RAD54L2: variants seen among roughly 807,000 people sequenced by gnomAD.
RAD54L2 encodes helicase ARIP4.
In RAD54L2, 27 loss-of-function variants were observed where a neutral mutation model predicts 138.4. The ratio of observed to expected loss-of-function variants is 0.20; its 90% CI spans 0.14 to 0.27. The LOEUF (loss-of-function observed/expected upper bound fraction) is 0.27, where lower values mean the gene tolerates loss of function less well. Ranked by LOEUF, RAD54L2 falls within the 10% of genes least tolerant of loss-of-function variation. The pLI is 1.00. For synonymous variants in RAD54L2, 644 were observed against 723.2 expected, an observed-to-expected ratio of 0.89 and a Z score of 1.76; for missense variants, 1,396 against 1,890.2, an observed-to-expected ratio of 0.74 and a Z score of 4.85.
chr3:51,663,239 A>G lies in RAD54L2; in HGVS notation c.4223A>G (p.Asn1408Ser), dbSNP rs754954786. Residue 1408 changes from asparagine (N) to serine (S), a missense_variant, in exon 23 of 23, where the codon AAC becomes AGC. Around this residue, in one of 7 missense-constraint regions of RAD54L2, gnomAD observed 634 missense variants for 711.2 expected, o/e 0.89. Coordinates refer to ENST00000684192, the MANE Select transcript of RAD54L2 (RefSeq NM_015106.4). ...APFPSPVLPS[N>S]LSRGMSIYPG... ...TTTCCTTCCCCTGTCTTGCCCAGCA[A>G]CCTTTCGCGGGGCATGTCTATCTAT... 1.8e-5 allele frequency: 29 copies of G among 1,613,244 alleles called. No individual in the cohort carries two copies. The highest frequency in any genetic ancestry group is 5.5e-5 in the South Asian group (5 of 91,060).
chr3:51,634,553 A>G (rs1700935384), intron 9 of RAD54L2, among the ~76,000 whole-genome samples: 1 of 152,046 alleles, frequency 6.6e-6, no homozygotes, highest in Non-Finnish European at 1.5e-5. Flanking sequence ...TATTTTTAGT[A>G]GAGACAGGGT....
chr3:51,624,025 CATATTT>C (rs1700624453), intron 3 of RAD54L2, among the ~76,000 whole-genome samples: 1 of 148,740 alleles, frequency 6.7e-6, no homozygotes, highest in South Asian at 2.1e-4. Flanking sequence ...CAAAAATTCT[CATATTT>C]AGAATTAGGG....
At chr3:51,624,276 G>A (rs1363644023) in intron 3 of RAD54L2, among the ~76,000 whole-genome samples, 2 of 144,852 alleles carry the variant, frequency 1.4e-5, no homozygotes, top group Admixed American at 7.0e-5. Context: ...TCTGTTGCCC[G>A]GGCTGGAGTA....
intron 3 of RAD54L2, among the ~76,000 whole-genome samples, chr3:51,603,478 G>T (rs1170207770): frequency 6.6e-6 from 1 of 152,012 alleles, no homozygotes; most frequent in African/African-American, 2.4e-5. Flanking sequence ...ATGGTGGTAG[G>T]TACCTGTAAT....
At chr3:51,556,329 G>T (rs1402127438) in intron 2 of RAD54L2, among the ~76,000 whole-genome samples, 2 of 152,074 alleles carry the variant, frequency 1.3e-5, no homozygotes, top group Admixed American at 1.3e-4. Flanking sequence ...AGGCTGTAGT[G>T]CAGTGGTGCA....
rs1378919710 is a variant in RAD54L2, at chr3:51,663,556, C to G, written c.*136C>G. The G allele has an allele frequency of 4.3e-6, 2 of 465,440 alleles. No homozygotes were observed. Among genetic ancestry groups the G allele is most frequent in the Admixed American group, 6.0e-5 (1 of 16,670 alleles). 28.8% of individuals were successfully genotyped at this position (465,440 alleles called of 1,614,324 possible). On this transcript the variant is annotated 3_prime_UTR_variant, in exon 23 of 23. Transcript: ENST00000684192. ...AAGAGGACAAAGGAGGGTGGTTGGC[C>G]AAAGTGGCAGAGCTCTGTTGCTGTT...
chr3:51,605,089 ATTT>A (rs35877053), intron 3 of RAD54L2, among the ~76,000 whole-genome samples: 1 of 123,128 alleles, frequency 8.1e-6, no homozygotes. Flanking sequence ...TACCTGGCTA[ATTT>A]TTTTTTTTTT....
chr3:51,571,666 C>A (rs1490383798), intron 2 of RAD54L2, among the ~76,000 whole-genome samples: 2 of 152,068 alleles, frequency 1.3e-5, no homozygotes, highest in African/African-American at 4.8e-5. Context: ...CCATGCCTGT[C>A]CTCAAATAGC....
rs762831713 is a variant in RAD54L2, at chr3:51,639,899, A to G, written c.2131A>G (p.Asn711Asp). ...CTTGCAGGCCAAGGACCTTCTGACT[A>G]ATTACCAGACTGGAGTCCTAGAAAA... ...TYEWAKDLLT[N>D]YQTGVLENSP... Residue 711 changes from asparagine to aspartate, a missense_variant, in exon 14 of 23, where the codon AAT becomes GAT. Physicochemically the swap from Asn to Asp is conservative, Grantham distance 23 (BLOSUM62 1). This residue lies in a region of RAD54L2 where 211 missense variants were observed against 273.8 expected (regional missense o/e 0.77). Coordinates refer to ENST00000684192, the MANE Select transcript of RAD54L2 (RefSeq NM_015106.4). 1.1e-5 allele frequency: 17 copies of G among 1,608,374 alleles called. No homozygotes were observed. The South Asian group carries it at 1.9e-4, about 18-fold the overall frequency.
intron 3 of RAD54L2, among the ~76,000 whole-genome samples, chr3:51,613,040 T>C (rs2106762982): frequency 6.6e-6 from 1 of 152,124 alleles, no homozygotes; most frequent in East Asian, 1.9e-4. Context: ...CCCGGGTTCA[T>C]GCCATTCTCC....
Position 51,663,040 on chromosome 3 carries a change from G to A in RAD54L2, c.4024G>A (p.Val1342Met). ...LLADARLVFPVTTDPLVPAGP... is the reference protein window; with the variant it reads ...LLADARLVFPMTTDPLVPAGP... ...GGCAGATGCCCGCCTGGTGTTTCCA[G>A]TGACTACTGACCCTCTGGTGCCAGC... The change falls in exon 23 of 23, where the codon GTG becomes ATG. Residue 1342 changes from valine to methionine, a missense_variant. Coordinates refer to ENST00000684192, the MANE Select transcript of RAD54L2 (RefSeq NM_015106.4). 6.2e-7 allele frequency: 1 copy of A among 1,613,936 alleles called. No homozygotes were observed. The highest frequency in any genetic ancestry group is 1.1e-5 in the South Asian group (1 of 91,074).
chr3:51,636,863 G>A (rs1367493691), intron 10 of RAD54L2, among the ~76,000 whole-genome samples: 2 of 152,088 alleles, frequency 1.3e-5, no homozygotes, highest in Non-Finnish European at 1.5e-5. Flanking sequence ...AACCCGGGAG[G>A]CAGAGGTTGC....
intron 2 of RAD54L2, among the ~76,000 whole-genome samples, chr3:51,555,239 C>A (rs1291994127): frequency 6.6e-6 from 1 of 152,142 alleles, no homozygotes; most frequent in Non-Finnish European, 1.5e-5. Flanking sequence ...TCCCCTCCCC[C>A]ACTGTAGTTG....
At chr3:51,659,791 T>A (rs1426023754) in intron 21 of RAD54L2, among the ~76,000 whole-genome samples, 3 of 152,244 alleles carry the variant, frequency 2.0e-5, no homozygotes, top group Non-Finnish European at 4.4e-5. Flanking sequence ...CCTTGTGCCT[T>A]CTAGTGTCTA....
At chr3:51,584,009 A>G (rs183439193) in intron 2 of RAD54L2, among the ~76,000 whole-genome samples, 1 of 152,166 alleles carries the variant, frequency 6.6e-6, no homozygotes, top group East Asian at 1.9e-4. Context: ...CTGTTTTAGA[A>G]TCTGGAAGAG....
intron 2 of RAD54L2, among the ~76,000 whole-genome samples, chr3:51,571,286 C>G (rs753962026): frequency 1.3e-4 from 19 of 151,622 alleles, no homozygotes; most frequent in Non-Finnish European, 2.2e-4. Context: ...TCTACTGTGA[C>G]AATATTTCCT....
At chr3:51,660,277 GT>G (rs980867107) in intron 22 of RAD54L2, among the ~76,000 whole-genome samples, 159 bp downstream of exon 22, 41 of 145,784 alleles carry the variant, frequency 2.8e-4, no homozygotes, top group South Asian at 1.3e-3. Flanking sequence ...TTTTTGTGTG[GT>G]TTTTTTTTTT....
At chr3:51,608,872 G>A (rs1281654636) in intron 3 of RAD54L2, among the ~76,000 whole-genome samples, 3 of 152,172 alleles carry the variant, frequency 2.0e-5, no homozygotes, top group Non-Finnish European at 4.4e-5. Context: ...GGCAGAGGGA[G>A]GGGCAGGGGG....
At chr3:51,552,828 G>C (rs890070334) in intron 2 of RAD54L2, among the ~76,000 whole-genome samples, 1 of 152,018 alleles carries the variant, frequency 6.6e-6, no homozygotes. Flanking sequence ...CCCAAGTGTT[G>C]GGATTACAGG....
Sources: gnomAD v4.1 joint callset for allele counts (sites outside exome capture counted in the v4.1 genomes callset) on GRCh38, gnomAD v4.1.1 for gene constraint, gnomAD v4.1.1 regional missense constraint, MANE v1.5 for transcripts, NCBI Gene and HGNC (gene_info 2026-07-23, HGNC 2026-07-21) for gene names.